The following ROBO2 variants were observed in gnomAD, a reference collection of about 807,000 sequenced individuals.
ROBO2 encodes the protein roundabout homolog 2.
In ROBO2, 53 loss-of-function variants were observed where a neutral mutation model predicts 160.8. The ratio of observed to expected loss-of-function variants is 0.33; its 90% confidence interval spans 0.26 to 0.41. The LOEUF (loss-of-function observed/expected upper bound fraction) is 0.41, where lower values mean the gene tolerates loss of function less well. Among genes scored for constraint, ROBO2 ranks in the 10% least tolerant of loss-of-function variants. The pLI, the probability that ROBO2 is intolerant of heterozygous loss-of-function variation, is 1.00. For synonymous variants in ROBO2, 664 were observed against 611.7 expected (o/e 1.09, Z -1.26); for missense variants, 1,577 against 1,722.4 (o/e 0.92, Z 1.49).
intron 17 of ROBO2, among the ~76,000 whole-genome samples, chr3:77,592,582 C>T (rs1184997695): frequency 6.6e-6 from 1 of 152,016 alleles, no homozygotes; most frequent in African/African-American, 2.4e-5. Flanking sequence ...GAGAGAGTCT[C>T]ACTCTGTAGC....
intron 2 of ROBO2, among the ~76,000 whole-genome samples, chr3:76,956,320 G>A (rs1470362156): frequency 6.6e-6 from 1 of 152,180 alleles, no homozygotes; most frequent in Non-Finnish European, 1.5e-5. Flanking sequence ...CACTTTGGGA[G>A]GCCGAGGCGG....
At chr3:75,947,544 C>A (rs542522674) in intron 2 of ROBO2, among the ~76,000 whole-genome samples, 1 of 152,176 alleles carries the variant, frequency 6.6e-6, no homozygotes, top group South Asian at 2.1e-4. Flanking sequence ...GGCTCTTTGT[C>A]AAAAATGTTG....
At chr3:76,775,990 C>T (rs892427308) in intron 2 of ROBO2, among the ~76,000 whole-genome samples, 5 of 150,876 alleles carry the variant, frequency 3.3e-5, no homozygotes, top group African/African-American at 1.2e-4. Context: ...CCCACAATAT[C>T]ACTGTCTTTT....
At chr3:76,133,583 AG>A (rs1197182691) in intron 2 of ROBO2, among the ~76,000 whole-genome samples, 3 of 152,088 alleles carry the variant, frequency 2.0e-5, no homozygotes, top group Non-Finnish European at 2.9e-5. Flanking sequence ...CCACAAAAGT[AG>A]GGAAGCCGAC....
chr3:76,030,180 G>A (rs1407158316), intron 2 of ROBO2, among the ~76,000 whole-genome samples: 2 of 152,124 alleles, frequency 1.3e-5, no homozygotes, highest in Non-Finnish European at 2.9e-5. Flanking sequence ...AAAAGTGTCT[G>A]TTCATATCCT....
At chr3:77,355,943 A>G (rs551084685) in intron 2 of ROBO2, among the ~76,000 whole-genome samples, 1 of 151,580 alleles carries the variant, frequency 6.6e-6, no homozygotes, top group African/African-American at 2.4e-5. Flanking sequence ...AAAAATGGGT[A>G]AAGTGGAGAA....
chr3:76,791,499 C>A lies in ROBO2; in HGVS notation c.110-306515C>A, dbSNP rs924556047. On this transcript the variant is annotated intron_variant, in intron 2 of 26. Coordinates refer to the ROBO2 transcript ENST00000487694. ...CTCTCTCTCTGTGTTTTTCTCTTTT[C>A]TCTCTCTCTGTTTCACACACTCTCT... is the stretch of plus-strand genomic sequence containing the variant. Among the ~76,000 whole-genome samples, 4 of 151,290 alleles carry A rather than the reference C, an allele frequency of 2.6e-5. No individual in the cohort carries two copies. The South Asian group carries it at 8.4e-4, about 32-fold the overall frequency.
At chr3:76,320,355 T>A (rs1411994742) in intron 2 of ROBO2, among the ~76,000 whole-genome samples, 2 of 152,188 alleles carry the variant, frequency 1.3e-5, no homozygotes, top group Admixed American at 1.3e-4. Context: ...GTTCATTCAG[T>A]ATTGTCAATT....
intron 2 of ROBO2, among the ~76,000 whole-genome samples, chr3:76,679,314 C>T (rs2875405): frequency 0.57 from 86,768 of 151,872 alleles, 26,248 homozygotes; most frequent in East Asian, 0.78. Context: ...ATTTTATAGA[C>T]ATTTATTTTA....
exon 24 of ROBO2, chr3:77,634,942 C>T: frequency 6.2e-7 from 1 of 1,614,112 alleles, no homozygotes; most frequent in South Asian, 1.1e-5. Flanking sequence ...ACCAGTGCAG[C>T]CCTGAGTCAA....
chr3:77,591,858 A>G (rs1435306986), intron 17 of ROBO2, among the ~76,000 whole-genome samples: 3 of 152,144 alleles, frequency 2.0e-5, no homozygotes, highest in African/African-American at 4.8e-5. Context: ...ATAGCTTTCA[A>G]TTTGCTCTGG....
chr3:77,581,766 C>T (rs950124307), intron 16 of ROBO2, among the ~76,000 whole-genome samples: 2 of 152,054 alleles, frequency 1.3e-5, no homozygotes, highest in Non-Finnish European at 2.9e-5. Context: ...AAGGTTTTAT[C>T]TCAGGTCAAA....
At chr3:75,953,854 A>G (rs1024111053) in intron 2 of ROBO2, among the ~76,000 whole-genome samples, 5 of 151,960 alleles carry the variant, frequency 3.3e-5, no homozygotes, top group African/African-American at 9.7e-5. Context: ...TATGATATTT[A>G]TCAAATCACC....
At chr3:76,548,055 A>G (rs992146926) in intron 2 of ROBO2, among the ~76,000 whole-genome samples, 2 of 152,098 alleles carry the variant, frequency 1.3e-5, no homozygotes, top group African/African-American at 4.8e-5. Context: ...TCACCTTTTC[A>G]CTTGCACAGA....
intron 2 of ROBO2, among the ~76,000 whole-genome samples, chr3:76,283,319 T>C (rs1339853739): frequency 4.6e-5 from 7 of 151,006 alleles, no homozygotes; most frequent in Non-Finnish European, 8.9e-5. Context: ...TATTTAAAGT[T>C]TATCTCAGGA....
At chr3:77,624,193 T>C (rs2094958265) in intron 23 of ROBO2, among the ~76,000 whole-genome samples, 1 of 152,194 alleles carries the variant, frequency 6.6e-6, no homozygotes, top group Non-Finnish European at 1.5e-5. Context: ...AAAGAAGTTG[T>C]GTTCTACACA....
chr3:76,418,646 C>A (rs1431207558), intron 2 of ROBO2, among the ~76,000 whole-genome samples: 1 of 148,746 alleles, frequency 6.7e-6, no homozygotes, highest in African/African-American at 2.4e-5. Flanking sequence ...GCTATTTGCT[C>A]AAATAAACGC....
intron 2 of ROBO2, among the ~76,000 whole-genome samples, chr3:76,602,969 G>A (rs946226005): frequency 7.9e-5 from 12 of 152,078 alleles, no homozygotes; most frequent in African/African-American, 2.9e-4. Flanking sequence ...TCTCTAACGT[G>A]CTCTCAAAGT....
intron 2 of ROBO2, among the ~76,000 whole-genome samples, chr3:76,352,371 T>C (rs1388030254): frequency 1.3e-5 from 2 of 152,040 alleles, no homozygotes; most frequent in Non-Finnish European, 1.5e-5. Flanking sequence ...CTGCTTCCTC[T>C]TCTTGCTTGC....
Sources: gnomAD v4.1 joint callset for allele counts (sites outside exome capture counted in the v4.1 genomes callset) on GRCh38, gnomAD v4.1.1 for gene constraint, MANE v1.5 for transcripts, NCBI Gene and HGNC (gene_info 2026-07-23, HGNC 2026-07-21) for gene names.